KAZN: variants seen among roughly 807,000 people sequenced by gnomAD.
KAZN encodes kazrin, periplakin interacting protein, also known as kazrin.
In KAZN, 40 loss-of-function variants were observed where a neutral mutation model predicts 87.4. The observed-to-expected ratio is 0.46, with a 90% CI of 0.36 to 0.60. The LOEUF (loss-of-function observed/expected upper bound fraction) is 0.60. KAZN is among the 20% of genes least tolerant of loss of function. The pLI is 0.00. For synonymous variants in KAZN, 466 were observed against 458.3 expected (o/e 1.02, Z -0.22); for missense variants, 898 against 1,073.9 (o/e 0.84, Z 2.29).
chr1:14,121,817 C>T (rs1162591882), intron 1 of KAZN, among the ~76,000 whole-genome samples: 1 of 152,158 alleles, frequency 6.6e-6, no homozygotes, highest in Non-Finnish European at 1.5e-5. Context: ...GAGAATAAGC[C>T]TCTTTGAGAA....
At chr1:14,392,134 C>T (rs1571500889) in intron 2 of KAZN, among the ~76,000 whole-genome samples, 1 of 152,274 alleles carries the variant, frequency 6.6e-6, no homozygotes, top group African/African-American at 2.4e-5. Flanking sequence ...AGGTGATAGC[C>T]TTTAAACGCA....
intron 13 of KAZN, among the ~76,000 whole-genome samples, chr1:15,105,452 G>A (rs1018745455): frequency 6.6e-6 from 1 of 152,120 alleles, no homozygotes; most frequent in African/African-American, 2.4e-5. Context: ...GTGGCATGCA[G>A]TTGATCATAT....
At chr1:14,665,785 T>C (rs1639496178) in intron 1 of KAZN, among the ~76,000 whole-genome samples, 5 of 152,102 alleles carry the variant, frequency 3.3e-5, no homozygotes, top group South Asian at 4.1e-4. Flanking sequence ...CAGCTCTCCA[T>C]AGCCTAGTTG....
chr1:14,808,331 T>C (rs1245736965), intron 1 of KAZN, among the ~76,000 whole-genome samples: 2 of 143,672 alleles, frequency 1.4e-5, no homozygotes, highest in Non-Finnish European at 3.0e-5. Context: ...CGTCTCACTC[T>C]GTCACCCCAG....
chr1:14,437,691 G>A (rs1571646261), intron 2 of KAZN, among the ~76,000 whole-genome samples: 3 of 152,130 alleles, frequency 2.0e-5, no homozygotes, highest in African/African-American at 2.4e-5. Flanking sequence ...GCTGCAGCCC[G>A]TGGGTCGGAC....
In KAZN at chr1:15,081,646, A is replaced by G. The variant is rs1463836935; in HGVS notation, c.1223-12534A>G. 6.6e-6 allele frequency among the ~76,000 whole-genome samples: 1 copy of G among 152,128 alleles called. No homozygotes were observed. Among genetic ancestry groups the G allele is most frequent in the Admixed American group, 6.5e-5 (1 of 15,270 alleles). On this transcript the variant is annotated intron_variant, in intron 8 of 14. Coordinates refer to ENST00000376030, the MANE Select transcript of KAZN (RefSeq NM_201628.3). The surrounding 1 kb of genome is among the most constrained non-coding windows in gnomAD (Gnocchi z 4.1). Reference sequence around the variant, plus strand: ...GACCAGGAAAGGAGTCCCTGAAATAATCAGTATTGAAACAGAGCCCTGAGC... The same window carrying G: ...GACCAGGAAAGGAGTCCCTGAAATAGTCAGTATTGAAACAGAGCCCTGAGC...
In KAZN at chr1:14,138,081, C is replaced by CTGTGTGTG. The variant is rs144840101; in HGVS notation, c.92-42354_92-42353insTGTGTGTG. Among the ~76,000 whole-genome samples, 549 of 134,106 alleles carry CTGTGTGTG rather than the reference C, an allele frequency of 4.1e-3. 5 individuals are homozygous for CTGTGTGTG. The highest frequency in any genetic ancestry group is 0.015 in the African/African-American group (482 of 32,962). 88.0% of individuals were successfully genotyped at this position (134,106 alleles called of 152,430 possible). On this transcript the variant is annotated intron_variant, in intron 1 of 16. Coordinates refer to the KAZN transcript ENST00000636203. ...AAATGTTAGCATTAAATAAATGTTA[C>CTGTGTGTG]AGTGTGTGTGTGTGTGTGTGTGTGT...
intron 1 of KAZN, among the ~76,000 whole-genome samples, chr1:14,959,628 T>C (rs1380878778): frequency 1.3e-5 from 2 of 152,158 alleles, no homozygotes; most frequent in Non-Finnish European, 2.9e-5. Flanking sequence ...AATATTTCAG[T>C]ATGTCCTTCC....
chr1:13,962,949 G>A (rs1641810240), intron 1 of KAZN, among the ~76,000 whole-genome samples: 1 of 152,200 alleles, frequency 6.6e-6, no homozygotes, highest in Non-Finnish European at 1.5e-5. Context: ...CGAAGCCATG[G>A]TGAATGGAGG....
chr1:14,313,847 AAATAAAT>A (rs1311063482), intron 2 of KAZN, among the ~76,000 whole-genome samples: 4 of 152,226 alleles, frequency 2.6e-5, no homozygotes, highest in African/African-American at 9.6e-5. Context: ...TTATGAAATG[AAATAAAT>A]AATAAATAGG....
chr1:14,865,246 A>G (rs980824264), intron 1 of KAZN, among the ~76,000 whole-genome samples: 1 of 152,186 alleles, frequency 6.6e-6, no homozygotes, highest in Non-Finnish European at 1.5e-5. Context: ...AGAGAAATGT[A>G]GCTGCGGCTC....
chr1:14,113,411 G>A (rs1052340007), intron 1 of KAZN, among the ~76,000 whole-genome samples: 9 of 152,110 alleles, frequency 5.9e-5, no homozygotes, highest in South Asian at 2.1e-4. Flanking sequence ...TACATAGGTC[G>A]TGACAAGTAA....
chr1:14,958,739 C>A (rs1329478546), intron 1 of KAZN, among the ~76,000 whole-genome samples: 1 of 152,224 alleles, frequency 6.6e-6, no homozygotes, highest in Non-Finnish European at 1.5e-5. Flanking sequence ...CAGGGACGCT[C>A]CTGGCTCTAC....
intron 1 of KAZN, among the ~76,000 whole-genome samples, chr1:13,908,426 C>G (rs1639525675): frequency 6.6e-6 from 1 of 152,222 alleles, no homozygotes; most frequent in Admixed American, 6.5e-5. Context: ...CTTGACGGCT[C>G]TTTGGTCAAG....
intron 1 of KAZN, among the ~76,000 whole-genome samples, chr1:14,694,188 C>A (rs1254090995): frequency 1.3e-5 from 2 of 152,252 alleles, no homozygotes; most frequent in Non-Finnish European, 2.9e-5. Flanking sequence ...CAGTCGGCTT[C>A]AGCCTTCTCA....
intron 13 of KAZN, chr1:15,111,964 TG>T (rs781462432): frequency 1.5e-3 from 236 of 154,024 alleles, no homozygotes; most frequent in Middle Eastern, 3.4e-3. Flanking sequence ...GAAAGCCAGG[TG>T]GGGGACACAG....
intron 1 of KAZN, among the ~76,000 whole-genome samples, chr1:13,966,514 A>G (rs1006767557): frequency 2.2e-4 from 33 of 152,276 alleles, no homozygotes; most frequent in African/African-American, 7.5e-4. Flanking sequence ...GGTCACTGAC[A>G]AGGAAGCCCT....
intron 1 of KAZN, among the ~76,000 whole-genome samples, chr1:13,943,325 C>A (rs958187621): frequency 2.0e-5 from 3 of 152,146 alleles, no homozygotes; most frequent in African/African-American, 7.2e-5. Context: ...ATAATAGTGT[C>A]TGGGCACAGT....
At chr1:13,997,806 A>G (rs1639595606) in intron 1 of KAZN, among the ~76,000 whole-genome samples, 2 of 152,210 alleles carry the variant, frequency 1.3e-5, no homozygotes, top group Admixed American at 1.3e-4. Context: ...TCAGGATATT[A>G]TCCAGGAGCA....
Sources: gnomAD v4.1 joint callset for allele counts (sites outside exome capture counted in the v4.1 genomes callset) on GRCh38, gnomAD v4.1.1 for gene constraint, Gnocchi (gnomAD v3.1) non-coding constraint, MANE v1.5 for transcripts, NCBI Gene and HGNC (gene_info 2026-07-23, HGNC 2026-07-21) for gene names.